SLC6A18: variants seen among roughly 807,000 people sequenced by gnomAD.
SLC6A18 encodes the protein solute carrier family 6 member 18, also known as inactive sodium-dependent neutral amino acid transporter B(0)AT3.
SLC6A18 carries 58 observed loss-of-function variants against 62.9 expected under a neutral mutation model. The ratio of observed to expected loss-of-function variants is 0.92; its 90% CI spans 0.75 to 1.15. The LOEUF (loss-of-function observed/expected upper bound fraction) is 1.15, where lower values mean the gene tolerates loss of function less well. SLC6A18 is among the 50% of genes most tolerant of loss of function. The probability of loss-of-function intolerance (pLI) is 0.00; values close to 1 mark genes in which losing one functional copy is unlikely to be tolerated. For missense variants in SLC6A18, 793 were observed against 836.6 expected (o/e 0.95, Z 0.64); for synonymous variants, 382 against 365.8 (o/e 1.04, Z -0.51).
Position 1,239,205 on chromosome 5 carries a change from T to A in SLC6A18, c.733-245T>A, listed in dbSNP as rs998001942. ...AAAAAACCTGCCAGCTACGTTCTCATGTGCGCCTGACAGCCACCGGCTCAT... is the reference window on the plus strand; with the variant it reads ...AAAAAACCTGCCAGCTACGTTCTCAAGTGCGCCTGACAGCCACCGGCTCAT... On this transcript the variant is annotated intron_variant, in intron 5 of 11. Transcript: ENST00000324642. Among the ~76,000 whole-genome samples, 3 of 152,258 alleles carry A rather than the reference T, an allele frequency of 2.0e-5. No homozygotes were observed. In the East Asian group the frequency reaches 5.8e-4, roughly 29 times the overall value.
intron 1 of SLC6A18, 78 bp downstream of exon 1, chr5:1,225,715 C>T: frequency 6.8e-7 from 1 of 1,462,960 alleles, no homozygotes; most frequent in Admixed American, 2.4e-5. Context: ...AGGCGCCTGC[C>T]ACGCATCCCC....
rs758049557 is a variant in SLC6A18 at position 1,232,361 on chromosome 5, T to C, written c.301+2T>C. ...TCTCCCCGTACCTCAGTGGAGTAGG[T>C]AGGCCACCGTCCTCGCTTGCCCTGA... On this transcript the variant is annotated splice_donor_variant, in intron 2 of 11. Transcript: ENST00000324642. LOFTEE classifies it high-confidence loss of function. 7.5e-6 allele frequency: 12 copies of C among 1,608,794 alleles called. No individual in the cohort carries two copies. The South Asian group carries it at 1.3e-4, about 18-fold the overall frequency.
chr5:1,229,513 G>A (rs1746667034), intron 1 of SLC6A18, among the ~76,000 whole-genome samples: 1 of 152,230 alleles, frequency 6.6e-6, no homozygotes, highest in African/African-American at 2.4e-5. Flanking sequence ...CAGAGCAAGG[G>A]TCAATGGGGC....
rs141329281 is a variant in SLC6A18 at position 1,225,503 on chromosome 5, C to T, written c.26C>T (p.Pro9Leu). 114 of 1,613,042 alleles carry T rather than the reference C, an allele frequency of 7.1e-5. No homozygotes were observed. The highest frequency in any genetic ancestry group is 1.1e-4 in the African/African-American group (8 of 74,906). The change falls in exon 1 of 12, where the codon CCG (proline) becomes CTG (leucine). Residue 9 changes from proline (P) to leucine (L), a missense_variant. Pro to Leu is a moderately conservative substitution (Grantham distance 98). Coordinates refer to ENST00000324642, the MANE Select transcript of SLC6A18 (RefSeq NM_182632.3). ...ATGGCTCATGCCCCAGAACCGGACC[C>T]GGCCGCCTGCGACCTCGGGGATGAG... MAHAPEPD[P>L]AACDLGDERP...
At chr5:1,232,660 T>A (rs6858999) in intron 2 of SLC6A18, 91 bp from the exon 3 acceptor site, 635,579 of 1,505,332 alleles carry the variant, frequency 0.42, 135,575 homozygotes, top group Admixed American at 0.44. Context: ...TGTGTTATTT[T>A]ATGTTGTTAT....
At chr5:1,228,058 C>A (rs1048921907) in intron 1 of SLC6A18, among the ~76,000 whole-genome samples, 1 of 152,182 alleles carries the variant, frequency 6.6e-6, no homozygotes, top group Non-Finnish European at 1.5e-5. Context: ...GCACCAAAAA[C>A]GACACTGTAT....
intron 7 of SLC6A18, among the ~76,000 whole-genome samples, chr5:1,240,921 C>T (rs1040309238): frequency 1.3e-5 from 2 of 152,152 alleles, no homozygotes; most frequent in African/African-American, 2.4e-5. Context: ...TAACCACAGT[C>T]CTTATAAGAA....
chr5:1,235,728 A>G, intron 4 of SLC6A18, 66 bp downstream of exon 4: 2 of 1,539,288 alleles, frequency 1.3e-6, no homozygotes, highest in Non-Finnish European at 1.8e-6. Context: ...CTCCCCATTG[A>G]CCTGTGTTCG....
At chr5:1,239,319 C>A (rs1746988899) in intron 5 of SLC6A18, 131 bp from the exon 6 acceptor site, 9 of 664,302 alleles carry the variant, frequency 1.4e-5, no homozygotes, top group South Asian at 1.1e-4. Context: ...TACCCTGTTC[C>A]TGGTGTCTGT....
intron 1 of SLC6A18, among the ~76,000 whole-genome samples, chr5:1,229,054 T>G (rs2126525801): frequency 6.6e-6 from 1 of 152,330 alleles, no homozygotes; most frequent in East Asian, 1.9e-4. Flanking sequence ...GTGCTGGACT[T>G]GGGTTGGCCA....
intron 1 of SLC6A18, among the ~76,000 whole-genome samples, chr5:1,227,012 C>CACCGATGCCTTGCCT (rs1449482130): frequency 3.2e-4 from 48 of 150,312 alleles, no homozygotes; most frequent in African/African-American, 1.1e-3. Flanking sequence ...ATGCCTTGCC[C>CACCGATGCCTTGCCT]GCCGACGCGC....
At chr5:1,237,469 A>G (rs1746913854) in intron 4 of SLC6A18, among the ~76,000 whole-genome samples, 1 of 152,082 alleles carries the variant, frequency 6.6e-6, no homozygotes, top group Non-Finnish European at 1.5e-5. Context: ...TGGGAGGAAG[A>G]AGACTCTGGC....
At position 1,243,838 on chromosome 5, in the gene SLC6A18, C is replaced by A; in HGVS notation, c.1336+79C>A. Reference sequence around the variant, plus strand: ...CACTCCCGCCCGCTGTCCAGACGCCCCTCCTGGATGGAGAGCGCAAGGGGC... The same window carrying A: ...CACTCCCGCCCGCTGTCCAGACGCCACTCCTGGATGGAGAGCGCAAGGGGC... On this transcript the variant is annotated intron_variant, in intron 9 of 11. Coordinates refer to ENST00000324642, the MANE Select transcript of SLC6A18 (RefSeq NM_182632.3). The surrounding 1 kb of genome is among the most constrained non-coding windows in gnomAD (Gnocchi z 6.5). The A allele has an allele frequency of 7.3e-7, 1 of 1,361,784 alleles. No homozygotes were observed. The highest frequency in any genetic ancestry group is 9.9e-7 in the Non-Finnish European group (1 of 1,011,000). The allele number at this position is 1,361,784 out of a possible 1,614,324, so 84.4% of individuals were successfully genotyped here.
At chr5:1,227,018 CG>C (rs1746595724) in intron 1 of SLC6A18, among the ~76,000 whole-genome samples, 1 of 71,764 alleles carries the variant, frequency 1.4e-5, no homozygotes, top group Non-Finnish European at 3.3e-5. Flanking sequence ...TGCCCGCCGA[CG>C]CGCCCAACGC....
At chr5:1,227,082 GCC>G (rs1746600729) in intron 1 of SLC6A18, among the ~76,000 whole-genome samples, 3 of 89,958 alleles carry the variant, frequency 3.3e-5, no homozygotes, top group African/African-American at 1.1e-4. Context: ...CCCCTTGCCC[GCC>G]GACGCCTTGC....
chr5:1,243,794 T>A lies in SLC6A18; in HGVS notation c.1336+35T>A. On this transcript the variant is annotated intron_variant, in intron 9 of 11. Transcript: ENST00000324642. This position sits in a 1 kb window ranked among gnomAD's most constrained non-coding sequence, Gnocchi z 6.5. ...CAGCTCCGCCGCCCTGGAGGACCCG[T>A]CCCCAGCATCTGACTGTCCACTCCC... The A allele has an allele frequency of 6.5e-7, 1 of 1,547,526 alleles. No individual in the cohort carries two copies. The highest frequency in any genetic ancestry group is 1.2e-5 in the South Asian group (1 of 82,696).
Position 1,239,302 on chromosome 5 carries a change from G to A in SLC6A18, c.733-148G>A, listed in dbSNP as rs552921344. ...TGCCACTCCACACCTGCACACCTGC[G>A]TGGTCCTACCCTGTTCCTGGTGTCT... On this transcript the variant is annotated intron_variant, in intron 5 of 11. Coordinates refer to ENST00000324642, the MANE Select transcript of SLC6A18 (RefSeq NM_182632.3). 4.2e-4 allele frequency: 251 copies of A among 603,682 alleles called. 2 individuals are homozygous for A. Among genetic ancestry groups the A allele is most frequent in the South Asian group, 4.0e-3 (195 of 49,212 alleles). The allele number at this position is 603,682 out of a possible 1,614,324, so 37.4% of individuals were successfully genotyped here.
chr5:1,227,729 G>C (rs776350029), intron 1 of SLC6A18, among the ~76,000 whole-genome samples: 1 of 152,202 alleles, frequency 6.6e-6, no homozygotes, highest in Non-Finnish European at 1.5e-5. Context: ...TTGCGGTAAA[G>C]ATTTACAGTG....
intron 1 of SLC6A18, among the ~76,000 whole-genome samples, chr5:1,227,134 CCTTGCCCGCCGATGA>C (rs1561173488): frequency 1.1e-4 from 14 of 126,256 alleles, no homozygotes; most frequent in African/African-American, 3.4e-4. Context: ...CCCGTCGATG[CCTTGCCCGCCGATGA>C]CTTGCCCGCC....
Sources: allele counts gnomAD v4.1 joint callset (sites outside exome capture counted in the v4.1 genomes callset), GRCh38; gene constraint gnomAD v4.1.1; non-coding constraint Gnocchi (gnomAD v3.1); transcripts MANE v1.5; gene names NCBI Gene and HGNC (gene_info 2026-07-23, HGNC 2026-07-21).